The following PHACTR1 variants were observed in gnomAD, a reference collection of about 807,000 sequenced individuals.
PHACTR1 encodes phosphatase and actin regulator 1.
In PHACTR1, 16 loss-of-function variants were observed where a neutral mutation model predicts 69.2. The ratio of observed to expected loss-of-function variants is 0.23; its 90% CI spans 0.16 to 0.35. PHACTR1 has a LOEUF of 0.35. Ranked by LOEUF, PHACTR1 falls within the 10% of genes least tolerant of loss-of-function variation. The probability of loss-of-function intolerance (pLI) is 1.00; values close to 1 mark genes in which losing one functional copy is unlikely to be tolerated. For synonymous variants in PHACTR1, 312 were observed against 284.5 expected (o/e 1.10, Z -0.97); for missense variants, 510 against 734.7 (o/e 0.69, Z 3.54).
chr6:13,219,847 T>C (rs1768323911), intron 8 of PHACTR1, among the ~76,000 whole-genome samples: 1 of 152,190 alleles, frequency 6.6e-6, no homozygotes, highest in Admixed American at 6.5e-5. Flanking sequence ...AGTCAGCATA[T>C]ACATCTACAG....
intron 6 of PHACTR1, among the ~76,000 whole-genome samples, chr6:13,167,477 A>G (rs1759974470): frequency 6.6e-6 from 1 of 152,212 alleles, no homozygotes; most frequent in African/African-American, 2.4e-5. Flanking sequence ...TGCATGTTAG[A>G]CAATTCCACA....
chr6:13,257,922 C>T (rs1320117101), intron 10 of PHACTR1, among the ~76,000 whole-genome samples: 2 of 152,152 alleles, frequency 1.3e-5, no homozygotes, highest in Non-Finnish European at 2.9e-5. Context: ...TTCAGTAGCT[C>T]CGGAGCCCAG....
chr6:12,816,972 G>A (rs1775662367), intron 4 of PHACTR1, among the ~76,000 whole-genome samples: 1 of 152,174 alleles, frequency 6.6e-6, no homozygotes, highest in Non-Finnish European at 1.5e-5. Context: ...GAAGGGAGAG[G>A]AAGAAGACAC....
chr6:12,721,102 T>A (rs1762065028), intron 3 of PHACTR1, among the ~76,000 whole-genome samples: 1 of 152,170 alleles, frequency 6.6e-6, no homozygotes, highest in African/African-American at 2.4e-5. Context: ...AACTTCATAA[T>A]GGGCCTGGCA....
chr6:13,206,114 A>G lies in PHACTR1; in HGVS notation c.964A>G (p.Met322Val). The change falls in exon 8 of 15, where the codon ATG becomes GTG. Residue 322 changes from methionine to valine, a missense_variant. By Grantham distance (21) the Met-to-Val change is conservative. Around this residue, in one of 2 missense-constraint regions of PHACTR1, gnomAD observed 419 missense variants for 530.9 expected, o/e 0.79. Coordinates refer to ENST00000332995, the MANE Select transcript of PHACTR1 (RefSeq NM_030948.6). Reference sequence around the variant, plus strand: ...AGACGAGCTCAACAAAACGCTGGCCATGACCATGCAGAGGCTGGAAAGGTA... The same window carrying G: ...AGACGAGCTCAACAAAACGCTGGCCGTGACCATGCAGAGGCTGGAAAGGTA... Reference protein sequence around the residue: ...MIDELNKTLAMTMQRLESSEQ... With the variant: ...MIDELNKTLAVTMQRLESSEQ... 1 of 1,605,200 alleles carries G rather than the reference A, an allele frequency of 6.2e-7. No individual in the cohort carries two copies. Among genetic ancestry groups the G allele is most frequent in the Non-Finnish European group, 8.5e-7 (1 of 1,175,010 alleles).
At chr6:12,943,620 C>T (rs549909154) in intron 4 of PHACTR1, among the ~76,000 whole-genome samples, 1 of 152,312 alleles carries the variant, frequency 6.6e-6, no homozygotes, top group African/African-American at 2.4e-5. Context: ...GACACATTCT[C>T]TATCCTCAAA....
At chr6:12,999,678 G>A (rs980490488) in intron 4 of PHACTR1, among the ~76,000 whole-genome samples, 3 of 152,138 alleles carry the variant, frequency 2.0e-5, no homozygotes, top group African/African-American at 7.2e-5. Flanking sequence ...TACCAAGTAT[G>A]GACATTGGAA....
chr6:12,933,834 A>C (rs1377678932), intron 4 of PHACTR1: 2 of 1,612,766 alleles, frequency 1.2e-6, no homozygotes, highest in African/African-American at 2.7e-5. Context: ...AGCCCTGTTC[A>C]AGGAGCTAAG....
intron 4 of PHACTR1, among the ~76,000 whole-genome samples, chr6:12,994,311 G>A (rs1223853638): frequency 2.0e-5 from 3 of 152,180 alleles, no homozygotes; most frequent in Admixed American, 6.5e-5. Context: ...ACTCCCTCAA[G>A]AGGTGGGATT....
chr6:12,828,973 A>C (rs1777109924), intron 4 of PHACTR1, among the ~76,000 whole-genome samples: 1 of 152,216 alleles, frequency 6.6e-6, no homozygotes, highest in East Asian at 1.9e-4. Context: ...TTTTGAAAGA[A>C]ATCGTGAATG....
chr6:13,272,689 G>A (rs1431303255), intron 10 of PHACTR1, 171 bp from the exon 11 acceptor site: 2 of 1,545,026 alleles, frequency 1.3e-6, no homozygotes, highest in African/African-American at 2.7e-5. Context: ...TCCTGGGCTT[G>A]AAATTGAGGA....
At chr6:12,985,539 A>ATATATAT (rs1298803313) in intron 4 of PHACTR1, among the ~76,000 whole-genome samples, 7 of 132,984 alleles carry the variant, frequency 5.3e-5, no homozygotes, top group Admixed American at 1.5e-4. Context: ...AAAAAAAAAA[A>ATATATAT]AAATATATAT....
chr6:13,207,996 G>A (rs78304845), intron 8 of PHACTR1, among the ~76,000 whole-genome samples: 1 of 152,060 alleles, frequency 6.6e-6, no homozygotes, highest in Non-Finnish European at 1.5e-5. Context: ...TGACTTGATT[G>A]TTTGGTGTTA....
intron 4 of PHACTR1, among the ~76,000 whole-genome samples, chr6:12,812,155 C>G (rs1423737050): frequency 1.3e-5 from 2 of 152,146 alleles, no homozygotes; most frequent in African/African-American, 4.8e-5. Flanking sequence ...CAGTCACTGC[C>G]TGTTGTCCCT....
intron 8 of PHACTR1, among the ~76,000 whole-genome samples, chr6:13,224,212 C>G (rs975297247): frequency 2.6e-5 from 4 of 152,140 alleles, no homozygotes; most frequent in Admixed American, 2.6e-4. Flanking sequence ...AGCCTACAGC[C>G]TTGGGTGGTG....
At chr6:13,237,138 G>A (rs935024366) in intron 10 of PHACTR1, among the ~76,000 whole-genome samples, 1 of 152,108 alleles carries the variant, frequency 6.6e-6, no homozygotes, top group African/African-American at 2.4e-5. Context: ...GCACTTTGGG[G>A]GGCCAAAGTA....
At chr6:12,892,817 T>C (rs972764106) in intron 4 of PHACTR1, among the ~76,000 whole-genome samples, 3 of 152,206 alleles carry the variant, frequency 2.0e-5, no homozygotes, top group Non-Finnish European at 4.4e-5. Flanking sequence ...GAAACTATTA[T>C]CTCTGATTAA....
intron 4 of PHACTR1, among the ~76,000 whole-genome samples, chr6:12,923,766 G>T (rs116070415): frequency 6.6e-6 from 1 of 152,140 alleles, no homozygotes; most frequent in Non-Finnish European, 1.5e-5. Context: ...GATTTTAATT[G>T]TGTTGTCAGG....
At chr6:13,132,118 A>G (rs531827549) in intron 5 of PHACTR1, among the ~76,000 whole-genome samples, 2 of 152,358 alleles carry the variant, frequency 1.3e-5, no homozygotes, top group South Asian at 4.1e-4. Flanking sequence ...TAGAGGTTTA[A>G]GTACTAACCC....
Sources: allele counts gnomAD v4.1 joint callset (sites outside exome capture counted in the v4.1 genomes callset), GRCh38; gene constraint gnomAD v4.1.1; regional missense constraint gnomAD v4.1.1; transcripts MANE v1.5; gene names NCBI Gene and HGNC (gene_info 2026-07-23, HGNC 2026-07-21).